Variants in CRYBG1 observed in about 807,000 individuals in gnomAD.
CRYBG1 encodes crystallin beta-gamma domain containing 1.
A neutral mutation model predicts 189.2 loss-of-function variants in CRYBG1; 139 were observed. The ratio of observed to expected loss-of-function variants is 0.73; its 90% CI spans 0.64 to 0.85. The LOEUF (loss-of-function observed/expected upper bound fraction) is 0.85. CRYBG1 is among the 40% of genes least tolerant of loss of function. The pLI is 0.00. For synonymous variants in CRYBG1, 1,023 were observed against 1,017.1 expected (o/e 1.01, Z -0.11); for missense variants, 2,611 against 2,675.8 (o/e 0.98, Z 0.53).
rs1013280609 is a variant in CRYBG1, at chr6:106,557,518, T to A, written c.5716-968T>A. Among the ~76,000 whole-genome samples the A allele has an allele frequency of 3.3e-5, 5 of 151,964 alleles. No individual in the cohort carries two copies. In the East Asian group the frequency reaches 5.8e-4, roughly 18 times the overall value. On this transcript the variant is annotated intron_variant, in intron 17 of 21. Transcript: ENST00000633556. Reference sequence around the variant, plus strand: ...CTCCCAGGTTCAAGTGATTCTCTAGTCTCCCACTCAGCCTCCAAAGTAGCT... The same window carrying A: ...CTCCCAGGTTCAAGTGATTCTCTAGACTCCCACTCAGCCTCCAAAGTAGCT...
At chr6:106,457,662 TA>T (rs1771916443) in intron 2 of CRYBG1, among the ~76,000 whole-genome samples, 1 of 152,336 alleles carries the variant, frequency 6.6e-6, no homozygotes, top group South Asian at 2.1e-4. Context: ...CCCTTGGACC[TA>T]CCTTGTCCCA....
chr6:106,468,485 G>A lies in CRYBG1; in HGVS notation c.312+16653G>A, dbSNP rs147616637. 2.7e-3 allele frequency among the ~76,000 whole-genome samples: 411 copies of A among 152,278 alleles called. 4 individuals are homozygous for A. Among genetic ancestry groups the A allele is most frequent in the African/African-American group, 9.4e-3 (390 of 41,544 alleles). On this transcript the variant is annotated intron_variant, in intron 2 of 21. Coordinates refer to ENST00000633556, the MANE Select transcript of CRYBG1 (RefSeq NM_001371242.2). ...GATGTGTGCAAAGTACTATTTGGCC[G>A]TGACTATCTTCTTATTTAACACAAT...
intron 13 of CRYBG1, among the ~76,000 whole-genome samples, chr6:106,551,128 C>G (rs908912319): frequency 6.6e-6 from 1 of 151,312 alleles, no homozygotes; most frequent in African/African-American, 2.4e-5. Context: ...TTCAAACCCC[C>G]CTCCCTCCTG....
At chr6:106,555,944 T>C (rs1423595824) in intron 17 of CRYBG1, 47 bp downstream of exon 17, 2 of 1,608,678 alleles carry the variant, frequency 1.2e-6, no homozygotes, top group African/African-American at 1.3e-5. Flanking sequence ...ATGCCTCATA[T>C]AGCTGATGGT....
chr6:106,406,403 T>C (rs78936236), intron 1 of CRYBG1, among the ~76,000 whole-genome samples: 2 of 152,176 alleles, frequency 1.3e-5, no homozygotes, highest in Non-Finnish European at 2.9e-5. Context: ...GTACATTTGA[T>C]TGGTATACCT....
chr6:106,483,303 A>G (rs761477712), intron 2 of CRYBG1, among the ~76,000 whole-genome samples: 6 of 150,986 alleles, frequency 4.0e-5, no homozygotes, highest in Admixed American at 6.7e-5. Flanking sequence ...GGGTCCATCC[A>G]TATTGCCTCA....
intron 1 of CRYBG1, among the ~76,000 whole-genome samples, chr6:106,362,390 G>A (rs1017026136): frequency 7.2e-5 from 11 of 152,156 alleles, no homozygotes; most frequent in Non-Finnish European, 5.9e-5. Context: ...AGGAATAATT[G>A]TGTCATCAAA....
chr6:106,479,358 C>G (rs1772397907), intron 2 of CRYBG1, among the ~76,000 whole-genome samples: 1 of 152,168 alleles, frequency 6.6e-6, no homozygotes, highest in Non-Finnish European at 1.5e-5. Flanking sequence ...CTATTCCAAA[C>G]CTAATTACCT....
At chr6:106,555,976 T>A (rs1774536118) in intron 17 of CRYBG1, 79 bp downstream of exon 17, 3 of 1,518,172 alleles carry the variant, frequency 2.0e-6, no homozygotes, top group Admixed American at 1.7e-5. Context: ...AACCAGCCGG[T>A]AGAACCTGCT....
intron 2 of CRYBG1, among the ~76,000 whole-genome samples, chr6:106,498,036 G>A (rs928839033): frequency 5.9e-5 from 9 of 151,326 alleles, no homozygotes; most frequent in African/African-American, 2.2e-4. Flanking sequence ...AGGAGGCAGA[G>A]GTTGCATTGA....
chr6:106,383,000 T>G (rs7773943), intron 1 of CRYBG1, among the ~76,000 whole-genome samples: 45,589 of 152,062 alleles, frequency 0.3, 6,878 homozygotes, highest in Middle Eastern at 0.35. Flanking sequence ...ATCCTGCAAT[T>G]TTTTGTGTGT....
intron 1 of CRYBG1, among the ~76,000 whole-genome samples, chr6:106,376,510 G>A (rs1770165595): frequency 6.6e-6 from 1 of 152,184 alleles, no homozygotes; most frequent in African/African-American, 2.4e-5. Flanking sequence ...GCAGGAGTGG[G>A]AGGTCAGGCT....
chr6:106,559,821 G>A (rs183005340), intron 18 of CRYBG1, among the ~76,000 whole-genome samples: 245 of 152,116 alleles, frequency 1.6e-3, no homozygotes, highest in Non-Finnish European at 2.7e-3. Flanking sequence ...GAAGCTGGGC[G>A]CAGTGACTCA....
In CRYBG1 at chr6:106,544,875, A is replaced by C; in HGVS notation, c.5254A>C (p.Asn1752His). ...TATTGATGTATTGGGAATTGTTGCT[A>C]ATTTAAAGGAGACTGGATATGGAGT... ...SSIDVLGIVA[N>H]LKETGYGVKT... is the part of the protein sequence containing the mutation. Residue 1752 changes from asparagine (N) to histidine (H), a missense_variant, in exon 13 of 22, where the codon AAT (asparagine) becomes CAT (histidine). Asn to His is a moderately conservative substitution (Grantham distance 68). Transcript: ENST00000633556. 5 of 1,613,742 alleles carry C rather than the reference A, an allele frequency of 3.1e-6. No homozygotes were observed. Among genetic ancestry groups the C allele is most frequent in the Non-Finnish European group, 4.2e-6 (5 of 1,179,818 alleles).
chr6:106,439,444 A>G (rs1421212627), intron 1 of CRYBG1, among the ~76,000 whole-genome samples: 1 of 152,186 alleles, frequency 6.6e-6, no homozygotes, highest in Non-Finnish European at 1.5e-5. Flanking sequence ...TTAACTGAAG[A>G]ATATGAATAC....
At chr6:106,487,071 T>C (rs1162131176) in intron 2 of CRYBG1, among the ~76,000 whole-genome samples, 1 of 152,150 alleles carries the variant, frequency 6.6e-6, no homozygotes, top group Non-Finnish European at 1.5e-5. Context: ...TTGTTGTTTG[T>C]GTATCTATTG....
In CRYBG1 at chr6:106,527,445, T is replaced by G; in HGVS notation, c.4553T>G (p.Ile1518Ser). ...EEAESDKPVV[I>S]GSIRHVVQDY... ...GCAGAGTCTGATAAGCCAGTGGTGA[T>G]TGGTTCCATCAGACATGTGGTTCAG... Residue 1518 changes from isoleucine (I) to serine (S), a missense_variant, in exon 7 of 22, where the codon ATT (isoleucine) becomes AGT (serine). Ile to Ser is a moderately radical substitution (Grantham distance 142). Around this residue, in one of 3 missense-constraint regions of CRYBG1, gnomAD observed 1,622 missense variants for 1,735.0 expected, o/e 0.93. Transcript: ENST00000633556. 1 of 1,612,378 alleles carries G rather than the reference T, an allele frequency of 6.2e-7. No homozygotes were observed. The highest frequency in any genetic ancestry group is 8.5e-7 in the Non-Finnish European group (1 of 1,178,946).
Position 106,512,712 on chromosome 6 carries a change from G to GC in CRYBG1, c.1600dup (p.Arg534ProfsTer85), listed in dbSNP as rs1562096574. ...GCCGTGCCCGCCCCGCCCGCCAGCGGCCCCCGGGCTCCCGCCAAGGAGTCC... is the reference window on the plus strand; with the variant it reads ...GCCGTGCCCGCCCCGCCCGCCAGCGGCCCCCCGGGCTCCCGCCAAGGAGTCC... On this transcript the variant is annotated frameshift_variant, in exon 3 of 22. Transcript: ENST00000633556. LOFTEE classifies it high-confidence loss of function. 1 of 1,551,364 alleles carries GC rather than the reference G, an allele frequency of 6.4e-7. No individual in the cohort carries two copies. Among genetic ancestry groups the GC allele is most frequent in the Non-Finnish European group, 8.7e-7 (1 of 1,148,426 alleles).
At chr6:106,422,467 G>T (rs777489153) in intron 1 of CRYBG1, among the ~76,000 whole-genome samples, 2 of 151,962 alleles carry the variant, frequency 1.3e-5, no homozygotes, top group Non-Finnish European at 2.9e-5. Context: ...GAGTAGCTGG[G>T]ACCACAGGCC....
Sources: allele counts gnomAD v4.1 joint callset (sites outside exome capture counted in the v4.1 genomes callset), GRCh38; gene constraint gnomAD v4.1.1; regional missense constraint gnomAD v4.1.1; transcripts MANE v1.5; gene names NCBI Gene and HGNC (gene_info 2026-07-23, HGNC 2026-07-21).